VRK2: variants seen among roughly 807,000 people sequenced by gnomAD.
VRK2 encodes the protein serine/threonine-protein kinase VRK2.
In VRK2, 60 loss-of-function variants were observed where a neutral mutation model predicts 57.6. That is an observed-to-expected ratio of 1.04 (90% CI 0.85 to 1.29). The LOEUF is 1.29. Among genes scored for constraint, VRK2 ranks in the 50% most tolerant of loss-of-function variants. VRK2 has a pLI of 0.00. For missense variants in VRK2, 705 were observed against 588.1 expected (o/e 1.20, Z -2.06); for synonymous variants, 231 against 199.2 (o/e 1.16, Z -1.35).
At chr2:58,069,118 G>C (rs1303490405) in intron 2 of VRK2, among the ~76,000 whole-genome samples, 1 of 152,050 alleles carries the variant, frequency 6.6e-6, no homozygotes, top group Non-Finnish European at 1.5e-5. Context: ...ATATTATGTT[G>C]TAAGAATTTG....
intron 3 of VRK2, among the ~76,000 whole-genome samples, chr2:58,034,628 T>C (rs1263352921): frequency 2.0e-5 from 3 of 152,018 alleles, no homozygotes; most frequent in African/African-American, 4.8e-5. Flanking sequence ...TGAATCTGAA[T>C]TGCTGTTTCT....
intron 1 of VRK2, among the ~76,000 whole-genome samples, chr2:57,991,270 T>A (rs1012198951): frequency 6.6e-6 from 1 of 151,974 alleles, no homozygotes; most frequent in Non-Finnish European, 1.5e-5. Context: ...TGATTTTATA[T>A]CGTAATGTGG....
chr2:58,084,489 A>G lies in VRK2; in HGVS notation c.186+351A>G, dbSNP rs527371047. On this transcript the variant is annotated intron_variant, in intron 3 of 12. Transcript: ENST00000340157. The stretch of plus-strand genomic sequence containing the variant: ...TAGTATAATGAATGAAATATAGTAG[A>G]CCATTCAGTAAAGGTATCATGTGTG... 1.1e-3 allele frequency among the ~76,000 whole-genome samples: 170 copies of G among 151,934 alleles called. 1 individual carries two copies. The highest frequency in any genetic ancestry group is 3.9e-3 in the African/African-American group (163 of 41,522).
chr2:58,114,672 C>G lies in VRK2; in HGVS notation c.544-8429C>G, dbSNP rs560851876. On this transcript the variant is annotated intron_variant, in intron 7 of 12. Transcript: ENST00000340157. The stretch of plus-strand genomic sequence containing the variant: ...TCTACTTTTCTTGAAGACGGAGGAC[C>G]ATAAGGGATATAAAGGTTTCACTGA... 2.6e-3 allele frequency among the ~76,000 whole-genome samples: 392 copies of G among 149,388 alleles called. 4 individuals are homozygous for G. Among genetic ancestry groups the G allele is most frequent in the African/African-American group, 9.6e-3 (373 of 38,850 alleles).
chr2:58,069,326 A>T (rs1046877911), intron 2 of VRK2, among the ~76,000 whole-genome samples: 3 of 152,150 alleles, frequency 2.0e-5, no homozygotes, highest in African/African-American at 7.2e-5. Flanking sequence ...TAGTTTACTT[A>T]TCGAAGTCTG....
intron 1 of VRK2, among the ~76,000 whole-genome samples, chr2:57,919,796 T>C (rs895609040): frequency 6.6e-6 from 1 of 152,030 alleles, no homozygotes; most frequent in African/African-American, 2.4e-5. Context: ...AAAACACTAA[T>C]CCATTAATCA....
At position 58,159,725 on chromosome 2, in the gene VRK2, T is replaced by TTAAG. The variant is rs770976250; in HGVS notation, c.*34_*37dup. 21 of 1,612,194 alleles carry TTAAG rather than the reference T, an allele frequency of 1.3e-5. No individual in the cohort carries two copies. In the Admixed American group the frequency reaches 2.7e-4, roughly 21 times the overall value. The stretch of plus-strand genomic sequence containing the variant: ...TACCAAAATTCCTTTTGATAATTTT[T>TTAAG]TAAGTTTCCAGCTCTTCACCGAAAT... On this transcript the variant is annotated 3_prime_UTR_variant, in exon 13 of 13. Coordinates refer to ENST00000340157, the MANE Select transcript of VRK2 (RefSeq NM_006296.7).
intron 1 of VRK2, among the ~76,000 whole-genome samples, chr2:57,913,068 T>C (rs762913171): frequency 2.0e-5 from 3 of 152,182 alleles, no homozygotes; most frequent in Admixed American, 6.5e-5. Flanking sequence ...CCAGCAGGAC[T>C]GTGAAAAACA....
At chr2:57,949,556 G>C (rs1023217786) in intron 1 of VRK2, among the ~76,000 whole-genome samples, 2 of 152,148 alleles carry the variant, frequency 1.3e-5, no homozygotes, top group Admixed American at 6.5e-5. Flanking sequence ...TGTTTTTACT[G>C]CTCCACCAAC....
chr2:58,150,000 T>TC (rs1454190060), intron 12 of VRK2, among the ~76,000 whole-genome samples: 1 of 144,964 alleles, frequency 6.9e-6, no homozygotes, highest in Non-Finnish European at 1.5e-5. Flanking sequence ...TCTTTTCTTT[T>TC]TTTTTTTTTT....
chr2:57,930,836 A>T (rs1161568983), intron 1 of VRK2, among the ~76,000 whole-genome samples: 1 of 152,186 alleles, frequency 6.6e-6, no homozygotes, highest in African/African-American at 2.4e-5. Flanking sequence ...AAGAGATATC[A>T]TGCAGTATTT....
intron 1 of VRK2, among the ~76,000 whole-genome samples, chr2:57,987,077 AAGT>A (rs1377817357): frequency 6.6e-6 from 1 of 152,226 alleles, no homozygotes; most frequent in Non-Finnish European, 1.5e-5. Context: ...ACAGACATAA[AAGT>A]AAAACCTGAA....
At chr2:58,108,515 T>C (rs1369838767) in intron 7 of VRK2, among the ~76,000 whole-genome samples, 1 of 152,158 alleles carries the variant, frequency 6.6e-6, no homozygotes, top group Non-Finnish European at 1.5e-5. Flanking sequence ...TCTTTCTTTC[T>C]TTCTTTTTTT....
At chr2:58,111,184 C>A (rs1675514156) in intron 7 of VRK2, among the ~76,000 whole-genome samples, 2 of 152,096 alleles carry the variant, frequency 1.3e-5, no homozygotes, top group African/African-American at 4.8e-5. Context: ...ACAGGCTGGC[C>A]TTAGTGAGTG....
chr2:57,927,472 T>A (rs920946063), intron 1 of VRK2, among the ~76,000 whole-genome samples: 1 of 152,154 alleles, frequency 6.6e-6, no homozygotes, highest in Non-Finnish European at 1.5e-5. Context: ...AGACGGGGTG[T>A]CAGCATGTTG....
At chr2:57,922,101 A>G (rs1354137486) in intron 1 of VRK2, among the ~76,000 whole-genome samples, 3 of 152,038 alleles carry the variant, frequency 2.0e-5, no homozygotes, top group African/African-American at 4.8e-5. Context: ...AGGTTTTCCT[A>G]AGGCTACTTG....
At chr2:58,058,097 G>T (rs1216185463) in intron 2 of VRK2, among the ~76,000 whole-genome samples, 6 of 152,084 alleles carry the variant, frequency 3.9e-5, no homozygotes, top group African/African-American at 1.4e-4. Context: ...CCACTTGTTT[G>T]ACTAGCTCAG....
At chr2:57,935,225 G>GA (rs1194195405) in intron 1 of VRK2, among the ~76,000 whole-genome samples, 2 of 152,138 alleles carry the variant, frequency 1.3e-5, no homozygotes, top group South Asian at 2.1e-4. Flanking sequence ...AATTTTGGCA[G>GA]AAAAAATGCC....
At chr2:58,118,688 T>C (rs542707626) in intron 7 of VRK2, among the ~76,000 whole-genome samples, 216 of 152,308 alleles carry the variant, frequency 1.4e-3, no homozygotes, top group Non-Finnish European at 2.1e-3. Context: ...ATCCGAGTCA[T>C]GGCACCAAAT....
Sources: gnomAD v4.1 joint callset for allele counts (sites outside exome capture counted in the v4.1 genomes callset) on GRCh38, gnomAD v4.1.1 for gene constraint, MANE v1.5 for transcripts, NCBI Gene and HGNC (gene_info 2026-07-23, HGNC 2026-07-21) for gene names.